The following SPTAN1 variants were observed in gnomAD, a reference collection of about 807,000 sequenced individuals.
SPTAN1 encodes the protein spectrin alpha chain, non-erythrocytic 1.
Under a neutral mutation model 331.3 loss-of-function variants are expected in SPTAN1, and 61 were observed. The ratio of observed to expected loss-of-function variants is 0.18; its 90% CI spans 0.15 to 0.23. SPTAN1 has a LOEUF of 0.23. SPTAN1 is among the 10% of genes least tolerant of loss of function. The pLI, the probability that SPTAN1 is intolerant of heterozygous loss-of-function variation, is 1.00. For missense variants in SPTAN1, 2,043 were observed against 3,147.9 expected (o/e 0.65, Z 8.40); for synonymous variants, 1,153 against 1,173.9 (o/e 0.98, Z 0.36).
At chr9:128,576,654 AG>A (rs1851338158) in intron 5 of SPTAN1, among the ~76,000 whole-genome samples, 168 bp from the exon 6 acceptor site, 1 of 152,248 alleles carries the variant, frequency 6.6e-6, no homozygotes, top group African/African-American at 2.4e-5. Flanking sequence ...CATAAGAAAT[AG>A]AAACTCTTTG....
At chr9:128,613,275 A>T (rs1856771107) in intron 39 of SPTAN1, 106 bp from the exon 40 acceptor site, 1 of 868,800 alleles carries the variant, frequency 1.2e-6, no homozygotes, top group African/African-American at 1.6e-5. Context: ...AGAAGTATTC[A>T]ACTGTCCAAG....
In SPTAN1 at chr9:128,630,339, G is replaced by A. The variant is rs745750589; in HGVS notation, c.6726G>A (p.Glu2242=). The A allele has an allele frequency of 1.5e-4, 234 of 1,612,968 alleles. No homozygotes were observed. Among genetic ancestry groups the A allele is most frequent in the South Asian group, 3.0e-4 (27 of 91,034 alleles). The part of the protein sequence containing the change: ...YLLDGSCMVE[E]SGTLESQLEA... ...CGTTTAGGTCCTGTATGGTGGAAGAGTCGGGGACCCTCGAATCCCAGCTTG... is the reference window on the plus strand; with the variant it reads ...CGTTTAGGTCCTGTATGGTGGAAGAATCGGGGACCCTCGAATCCCAGCTTG... The change falls in exon 52 of 57, where the codon GAG becomes GAA. Residue 2242 remains glutamate (E), a synonymous_variant. Coordinates refer to ENST00000372739, the MANE Select transcript of SPTAN1 (RefSeq NM_001130438.3).
chr9:128,582,676 G>C lies in SPTAN1; in HGVS notation c.1651-18G>C. 1 of 1,612,210 alleles carries C rather than the reference G, an allele frequency of 6.2e-7. No homozygotes were observed. The highest frequency in any genetic ancestry group is 8.5e-7 in the Non-Finnish European group (1 of 1,180,018). ...GGGAGTGAACACTAGAGACTCACAG[G>C]GGATCCTTGTCTTTCAGCTGTTGAG... On this transcript the variant is annotated intron_variant, in intron 13 of 56. Transcript: ENST00000372739.
chr9:128,605,539 T>C (rs1186966564), intron 31 of SPTAN1, 62 bp downstream of exon 31: 9 of 1,598,170 alleles, frequency 5.6e-6, no homozygotes, highest in Non-Finnish European at 7.7e-6. Context: ...GGGTCATTTT[T>C]ATTGTGAAAA....
chr9:128,590,773 C>T (rs565783033), intron 21 of SPTAN1, among the ~76,000 whole-genome samples: 5 of 152,028 alleles, frequency 3.3e-5, no homozygotes, highest in Non-Finnish European at 5.9e-5. Context: ...ATCACTTAAA[C>T]CCAGGAGGCA....
At position 128,562,685 on chromosome 9, in the gene SPTAN1, C is replaced by G. The variant is rs983132548; in HGVS notation, c.-3-4053C>G. Among the ~76,000 whole-genome samples, 13 of 117,998 alleles carry G rather than the reference C, an allele frequency of 1.1e-4. No individual in the cohort carries two copies. The East Asian group carries it at 3.0e-3, about 27-fold the overall frequency. The allele number at this position is 117,998 out of a possible 152,430, so 77.4% of individuals were successfully genotyped here. ...GACAGACTTAGGGCAGCAGTGTAAA[C>G]TATGACTGCCTGTTATCATTAAATA... On this transcript the variant is annotated intron_variant, in intron 1 of 56. Coordinates refer to ENST00000372739, the MANE Select transcript of SPTAN1 (RefSeq NM_001130438.3).
Position 128,615,679 on chromosome 9 carries a change from C to G in SPTAN1, c.5196C>G (p.Ser1732Arg). The G allele has an allele frequency of 6.2e-7, 1 of 1,614,192 alleles. No homozygotes were observed. Among genetic ancestry groups the G allele is most frequent in the South Asian group, 1.1e-5 (1 of 91,080 alleles). The change falls in exon 41 of 57, where the codon AGC becomes AGG. Residue 1732 changes from serine to arginine, a missense_variant. Ser to Arg is a moderately radical substitution (Grantham distance 110). Coordinates refer to ENST00000372739, the MANE Select transcript of SPTAN1 (RefSeq NM_001130438.3). ...LNSQADSLMT[S>R]SAFDTSQVKD... ...GCCAGGCAGACAGCCTGATGACCAG[C>G]AGTGCCTTCGACACCTCCCAAGTAA... is the stretch of plus-strand genomic sequence containing the variant.
intron 21 of SPTAN1, among the ~76,000 whole-genome samples, chr9:128,589,572 G>A (rs954678484): frequency 6.8e-5 from 6 of 88,208 alleles, no homozygotes; most frequent in Admixed American, 5.1e-4. Flanking sequence ...CGCCGTGCCC[G>A]GCCTTTTTTT....
intron 23 of SPTAN1, chr9:128,593,779 T>C (rs1396553469): frequency 7.7e-6 from 2 of 260,998 alleles, no homozygotes; most frequent in African/African-American, 2.2e-5. Context: ...CAGAGAATTA[T>C]AAAAGACAGA....
At chr9:128,630,455 A>C in intron 52 of SPTAN1, 80 bp downstream of exon 52, 3 of 1,424,948 alleles carry the variant, frequency 2.1e-6, no homozygotes, top group Non-Finnish European at 3.0e-6. Context: ...TTCCTGGCTT[A>C]AAGTCAGGAA....
In SPTAN1 at chr9:128,577,700, T is replaced by C. The variant is rs1045066168; in HGVS notation, c.1085+194T>C. 1.3e-5 allele frequency among the ~76,000 whole-genome samples: 2 copies of C among 152,268 alleles called. No homozygotes were observed. The highest frequency in any genetic ancestry group is 2.9e-5 in the Non-Finnish European group (2 of 68,050). Reference sequence around the variant, plus strand: ...TCATGTGTAGTATACGTATGGTATTTACAACTTCATAAATTCTTCTATTCT... The same window carrying C: ...TCATGTGTAGTATACGTATGGTATTCACAACTTCATAAATTCTTCTATTCT... On this transcript the variant is annotated intron_variant, in intron 8 of 56. Coordinates refer to ENST00000372739, the MANE Select transcript of SPTAN1 (RefSeq NM_001130438.3). This position sits in a 1 kb window ranked among gnomAD's most constrained non-coding sequence, Gnocchi z 4.2.
intron 5 of SPTAN1, among the ~76,000 whole-genome samples, chr9:128,576,152 A>T (rs1292844006): frequency 6.6e-6 from 1 of 152,190 alleles, no homozygotes; most frequent in Non-Finnish European, 1.5e-5. Context: ...GGTATCCCAG[A>T]TGGATTCAAG....
At chr9:128,631,881 G>A (rs1348125299) in intron 52 of SPTAN1, 53 of 554,356 alleles carry the variant, frequency 9.6e-5, no homozygotes, top group Non-Finnish European at 1.4e-4. Flanking sequence ...TGTCCTTGGC[G>A]TGCACTGCCC....
intron 1 of SPTAN1, among the ~76,000 whole-genome samples, chr9:128,565,765 T>C (rs777747098): frequency 1.4e-4 from 22 of 152,132 alleles, no homozygotes; most frequent in Non-Finnish European, 2.4e-4. Context: ...GGTAACACAA[T>C]TTTATACCTT....
intron 27 of SPTAN1, 48 bp downstream of exon 27, chr9:128,600,163 A>G (rs750918353): frequency 1.9e-6 from 3 of 1,586,524 alleles, no homozygotes; most frequent in African/African-American, 2.7e-5. Flanking sequence ...TTGCGAGATC[A>G]TGAAATATGT....
At chr9:128,572,321 A>G (rs1850819889) in intron 3 of SPTAN1, among the ~76,000 whole-genome samples, 1 of 146,096 alleles carries the variant, frequency 6.8e-6, no homozygotes, top group African/African-American at 2.6e-5. Context: ...AGCTTTCCAC[A>G]TGTTTATGAA....
At chr9:128,594,554 C>G (rs1305199681) in intron 24 of SPTAN1, among the ~76,000 whole-genome samples, 181 bp downstream of exon 24, 2 of 149,268 alleles carry the variant, frequency 1.3e-5, no homozygotes, top group African/African-American at 4.9e-5. Flanking sequence ...CCTCAGCATC[C>G]TGAGTTGCTG....
At chr9:128,630,208 T>TAAACCAAA (rs1859476250) in intron 51 of SPTAN1, 113 bp from the exon 52 acceptor site, 1 of 1,186,248 alleles carries the variant, frequency 8.4e-7, no homozygotes, top group African/African-American at 1.5e-5. Flanking sequence ...AGGTTTGGTT[T>TAAACCAAA]CCTTAAAAGG....
At position 128,579,723 on chromosome 9, in the gene SPTAN1, T is replaced by A. The variant is rs1048796195; in HGVS notation, c.1308T>A (p.Asp436Glu). 1 of 1,613,852 alleles carries A rather than the reference T, an allele frequency of 6.2e-7. No homozygotes were observed. Among genetic ancestry groups the A allele is most frequent in the African/African-American group, 1.3e-5 (1 of 74,898 alleles). ...TTGCTGCTGGTCACTATGCCTCAGA[T>A]GAAGTGAGGGAGAAGGTAAGAGAAG... is the stretch of plus-strand genomic sequence containing the variant. ...ALLAAGHYAS[D>E]EVREKLTVLS... Residue 436 changes from aspartate to glutamate, a missense_variant, in exon 10 of 57, where the codon GAT becomes GAA. By Grantham distance (45) the Asp-to-Glu change is conservative. Coordinates refer to ENST00000372739, the MANE Select transcript of SPTAN1 (RefSeq NM_001130438.3).
Sources: allele counts gnomAD v4.1 joint callset (sites outside exome capture counted in the v4.1 genomes callset), GRCh38; gene constraint gnomAD v4.1.1; non-coding constraint Gnocchi (gnomAD v3.1); transcripts MANE v1.5; gene names NCBI Gene and HGNC (gene_info 2026-07-23, HGNC 2026-07-21).